Variants in NIPAL2 observed in about 807,000 individuals in gnomAD.
NIPAL2 encodes NIPA like domain containing 2, also known as NIPA-like protein 2.
In NIPAL2, 43 loss-of-function variants were observed where a neutral mutation model predicts 48.9. The ratio of observed to expected loss-of-function variants is 0.88; its 90% CI spans 0.69 to 1.13. The LOEUF (loss-of-function observed/expected upper bound fraction) is 1.13. Ranked by LOEUF, NIPAL2 falls within the 50% of genes most tolerant of loss-of-function variation. The pLI is 0.00. For synonymous variants in NIPAL2, 167 were observed against 174.6 expected (o/e 0.96, Z 0.34); for missense variants, 446 against 461.4 (o/e 0.97, Z 0.31).
chr8:98,234,740 C>T (rs1429962449), intron 4 of NIPAL2, among the ~76,000 whole-genome samples: 4 of 145,018 alleles, frequency 2.8e-5, no homozygotes, highest in Admixed American at 7.0e-5. Flanking sequence ...TCAGTAGAGA[C>T]GGGGTTTTGC....
At chr8:98,239,329 C>T (rs1414479896) in intron 3 of NIPAL2, among the ~76,000 whole-genome samples, 1 of 152,178 alleles carries the variant, frequency 6.6e-6, no homozygotes, top group Non-Finnish European at 1.5e-5. Context: ...GCTCTCAGTC[C>T]AGAGCTCTTT....
At chr8:98,270,988 C>T (rs1244936604) in intron 1 of NIPAL2, among the ~76,000 whole-genome samples, 2 of 152,064 alleles carry the variant, frequency 1.3e-5, no homozygotes, top group African/African-American at 4.8e-5. Flanking sequence ...TCGACTTTGT[C>T]AAAGATCAGT....
intron 1 of NIPAL2, among the ~76,000 whole-genome samples, chr8:98,276,605 A>T (rs949333732): frequency 2.6e-5 from 4 of 152,086 alleles, no homozygotes; most frequent in African/African-American, 4.8e-5. Context: ...GTCTGGTAAG[A>T]GAATGTTTAG....
chr8:98,266,092 T>C lies in NIPAL2; in HGVS notation c.136-12005A>G, dbSNP rs531148541. On this transcript the variant is annotated intron_variant, in intron 1 of 10. Transcript: ENST00000430223. ...GTGGGAATTGAACAATGAGATCACATGGACACAGGAAGGGGAATATCACAC... is the reference window on the plus strand; with the variant it reads ...GTGGGAATTGAACAATGAGATCACACGGACACAGGAAGGGGAATATCACAC... 4.7e-4 allele frequency among the ~76,000 whole-genome samples: 58 copies of C among 123,650 alleles called. 1 individual carries two copies. The highest frequency in any genetic ancestry group is 1.8e-3 in the African/African-American group (57 of 31,908). 81.1% of individuals were successfully genotyped at this position (123,650 alleles called of 152,430 possible). A position where few individuals can be genotyped will look rare whatever the true frequency, so the allele number is the denominator to read the frequency against.
chr8:98,242,411 G>T (rs751149819), intron 3 of NIPAL2, among the ~76,000 whole-genome samples: 1 of 150,318 alleles, frequency 6.7e-6, no homozygotes, highest in Non-Finnish European at 1.5e-5. Flanking sequence ...GGTCTCAAAC[G>T]TCTGGGCTCA....
rs1222105126 is a variant in NIPAL2 at position 98,236,175 on chromosome 8, A to T, written c.416T>A (p.Leu139Ter). 6.2e-7 allele frequency: 1 copy of T among 1,604,270 alleles called. No homozygotes were observed. Among genetic ancestry groups the T allele is most frequent in the Non-Finnish European group, 8.5e-7 (1 of 1,173,932 alleles). ...IISVTFLKDN[L>*]RASDLLGTTL... is the part of the protein sequence containing the mutation. Reference sequence around the variant, plus strand: ...CTTACCGAGTAAGTCTGAGGCTCTCAAATTGTCTTTCAGAAATGTAACAGA... The same window carrying T: ...CTTACCGAGTAAGTCTGAGGCTCTCTAATTGTCTTTCAGAAATGTAACAGA... Residue 139 changes from leucine (L) to a stop codon, truncating the protein, a stop_gained, in exon 4 of 11, where the codon TTG (leucine) becomes TAG (stop). Transcript: ENST00000430223. LOFTEE classifies it high-confidence loss of function.
chr8:98,216,424 G>A (rs1159971092), intron 5 of NIPAL2, among the ~76,000 whole-genome samples: 5 of 152,198 alleles, frequency 3.3e-5, no homozygotes, highest in East Asian at 1.9e-4. Context: ...CTCTGCTACC[G>A]AAGAAGTGGA....
Position 98,212,449 on chromosome 8 carries a change from C to G in NIPAL2, c.611G>C (p.Gly204Ala). The G allele has an allele frequency of 6.3e-7, 1 of 1,586,788 alleles. No individual in the cohort carries two copies. Among genetic ancestry groups the G allele is most frequent in the Non-Finnish European group, 8.7e-7 (1 of 1,155,910 alleles). ...CILLYFYKRK[G>A]MKHMVILLTL... ...TAGCAGAATCACCATATGCTTCATT[C>G]CTTTTCTTTTATAGAAATACAGGAG... Residue 204 changes from glycine to alanine, a missense_variant, in exon 6 of 11, where the codon GGA (glycine) becomes GCA (alanine). Coordinates refer to ENST00000430223, the MANE Select transcript of NIPAL2 (RefSeq NM_001321635.2).
At chr8:98,284,155 C>T (rs1816015914) in intron 1 of NIPAL2, among the ~76,000 whole-genome samples, 1 of 152,180 alleles carries the variant, frequency 6.6e-6, no homozygotes, top group African/African-American at 2.4e-5. Context: ...ATATGACACC[C>T]ACACGATTCA....
At chr8:98,232,413 C>T (rs894545638) in intron 4 of NIPAL2, among the ~76,000 whole-genome samples, 1 of 152,038 alleles carries the variant, frequency 6.6e-6, no homozygotes, top group Non-Finnish European at 1.5e-5. Flanking sequence ...CTAAAGTTTG[C>T]AAAAATGTCC....
rs575614838 is a variant in NIPAL2 at position 98,222,577 on chromosome 8, T to C, written c.460A>G (p.Thr154Ala). Residue 154 changes from threonine (T) to alanine (A), a missense_variant, in exon 5 of 11, where the codon ACA (threonine) becomes GCA (alanine). Thr to Ala is a moderately conservative substitution (Grantham distance 58). Transcript: ENST00000430223. Reference sequence around the variant, plus strand: ...GGAGCAAAGTTCACCAGTAAATATGTTCCTGCAAATGCCAGTGTCGTACCT... The same window carrying C: ...GGAGCAAAGTTCACCAGTAAATATGCTCCTGCAAATGCCAGTGTCGTACCT... Reference protein sequence around the residue: ...LLGTTLAFAGTYLLVNFAPNI... With the variant: ...LLGTTLAFAGAYLLVNFAPNI... The C allele has an allele frequency of 1.2e-5, 19 of 1,613,926 alleles. No individual in the cohort carries two copies. Among genetic ancestry groups the C allele is most frequent in the Non-Finnish European group, 1.5e-5 (18 of 1,179,948 alleles).
chr8:98,228,381 G>A (rs896421), intron 4 of NIPAL2, among the ~76,000 whole-genome samples: 110,598 of 152,054 alleles, frequency 0.73, 41,738 homozygotes, highest in South Asian at 0.83. Context: ...TTCCTCACCC[G>A]CAGAAATGTT....
intron 4 of NIPAL2, among the ~76,000 whole-genome samples, chr8:98,227,576 C>T (rs915286222): frequency 2.0e-5 from 3 of 152,308 alleles, no homozygotes; most frequent in Admixed American, 6.5e-5. Context: ...GAATGGGGGC[C>T]TCAGGACTCT....
At chr8:98,202,297 G>A (rs1388683771) in intron 8 of NIPAL2, among the ~76,000 whole-genome samples, 1 of 152,212 alleles carries the variant, frequency 6.6e-6, no homozygotes, top group Non-Finnish European at 1.5e-5. Flanking sequence ...ATATAGGGAA[G>A]AGTTAGTAGA....
intron 3 of NIPAL2, among the ~76,000 whole-genome samples, chr8:98,240,583 G>A (rs1489615905): frequency 2.0e-5 from 3 of 152,112 alleles, no homozygotes; most frequent in South Asian, 2.1e-4. Flanking sequence ...TCTTGGGGCC[G>A]ATATATAAAA....
chr8:98,285,159 A>C (rs558579440), intron 1 of NIPAL2, among the ~76,000 whole-genome samples: 8 of 152,334 alleles, frequency 5.3e-5, no homozygotes, highest in African/African-American at 1.4e-4. Flanking sequence ...GGAGCCGCTC[A>C]TGTGAGCCAG....
At chr8:98,273,864 T>G (rs1206063567) in intron 1 of NIPAL2, among the ~76,000 whole-genome samples, 1 of 152,066 alleles carries the variant, frequency 6.6e-6, no homozygotes, top group African/African-American at 2.4e-5. Flanking sequence ...CTCAGCTTCA[T>G]GTGTAGTTTG....
intron 3 of NIPAL2, among the ~76,000 whole-genome samples, chr8:98,244,102 T>A (rs931380875): frequency 6.6e-5 from 10 of 151,994 alleles, no homozygotes; most frequent in African/African-American, 2.4e-4. Context: ...ATTATGGATA[T>A]GATATTCTTA....
chr8:98,275,834 C>T (rs1034256721), intron 1 of NIPAL2, among the ~76,000 whole-genome samples: 3 of 152,176 alleles, frequency 2.0e-5, no homozygotes, highest in African/African-American at 7.2e-5. Context: ...GTTTTAACTA[C>T]AATCTTTCTT....
Sources: gnomAD v4.1 joint callset for allele counts (sites outside exome capture counted in the v4.1 genomes callset) on GRCh38, gnomAD v4.1.1 for gene constraint, MANE v1.5 for transcripts, NCBI Gene and HGNC (gene_info 2026-07-23, HGNC 2026-07-21) for gene names.